Variants in METTL6 observed in about 807,000 individuals in gnomAD.
METTL6 encodes methyltransferase 6, tRNA N3-cytidine, also known as tRNA N(3)-cytidine methyltransferase METTL6.
A neutral mutation model predicts 26.4 loss-of-function variants in METTL6; 22 were observed. The ratio of observed to expected loss-of-function variants is 0.83; its 90% CI spans 0.59 to 1.19. METTL6 has a LOEUF of 1.19. METTL6 is among the 50% of genes most tolerant of loss of function. The pLI is 0.00. For missense variants in METTL6, 304 were observed against 324.8 expected, an observed-to-expected ratio of 0.94 and a Z score of 0.49; for synonymous variants, 109 against 116.2, an observed-to-expected ratio of 0.94 and a Z score of 0.40.
chr3:15,403,558 C>T (rs149123401), intron 6 of METTL6, among the ~76,000 whole-genome samples: 27 of 152,194 alleles, frequency 1.8e-4, no homozygotes, highest in Admixed American at 4.6e-4. Flanking sequence ...CCTCTTTTTC[C>T]TTCTCCTGGT....
At chr3:15,405,522 G>C (rs954236382), downstream of METTL6, among the ~76,000 whole-genome samples, 2 of 152,172 alleles carry the variant, frequency 1.3e-5, no homozygotes, top group Non-Finnish European at 2.9e-5. Flanking sequence ...GAAAACATTT[G>C]TAATAATCCA....
Position 15,426,600 on chromosome 3 carries a change from C to T in METTL6, c.-89G>A, listed in dbSNP as rs1575445170. On this transcript the variant is annotated 5_prime_UTR_variant, in exon 2 of 6. Transcript: ENST00000383790. The stretch of plus-strand genomic sequence containing the variant: ...CACGCTAATGGATCAGATACATTTC[C>T]TGAGGTGAGTTTCACGCCTCAAACA... The T allele has an allele frequency of 7.9e-7, 1 of 1,264,368 alleles. No homozygotes were observed. The highest frequency in any genetic ancestry group is 1.1e-6 in the Non-Finnish European group (1 of 896,614). 78.3% of individuals were successfully genotyped at this position (1,264,368 alleles called of 1,614,324 possible).
chr3:15,395,176 G>T (rs1288899004), intron 6 of METTL6, among the ~76,000 whole-genome samples: 1 of 152,122 alleles, frequency 6.6e-6, no homozygotes, highest in Non-Finnish European at 1.5e-5. Context: ...TATGCATCTG[G>T]GTGCTCCTGT....
At chr3:15,427,316 C>A (rs961554574) in intron 1 of METTL6, 86 bp downstream of exon 1, 12 of 191,278 alleles carry the variant, frequency 6.3e-5, no homozygotes, top group Non-Finnish European at 1.2e-4. Context: ...GGCTAGCCGA[C>A]CCGCGTTAAT....
At chr3:15,394,121 T>G (rs2124910569) in intron 6 of METTL6, among the ~76,000 whole-genome samples, 1 of 152,370 alleles carries the variant, frequency 6.6e-6, no homozygotes. Flanking sequence ...TGAATCCATC[T>G]GGTCCTGGAC....
At chr3:15,416,043 C>T (rs192783466) in intron 3 of METTL6, 101 bp from the exon 4 acceptor site, 5 of 1,016,920 alleles carry the variant, frequency 4.9e-6, no homozygotes, top group East Asian at 2.5e-5. Context: ...CACTTGTATA[C>T]ATAGAAATTA....
chr3:15,417,061 A>G (rs1700236756), intron 3 of METTL6, among the ~76,000 whole-genome samples: 1 of 152,116 alleles, frequency 6.6e-6, no homozygotes, highest in South Asian at 2.1e-4. Flanking sequence ...AATCCCAGCA[A>G]CCTGGGAGAC....
chr3:15,405,617 C>T (rs1470839357), downstream of METTL6, among the ~76,000 whole-genome samples: 2 of 152,184 alleles, frequency 1.3e-5, no homozygotes, highest in East Asian at 3.8e-4. Flanking sequence ...TAATGTCTAG[C>T]ACCACCTTGT....
At position 15,426,351 on chromosome 3, in the gene METTL6, G is replaced by C. The variant is rs61734701; in HGVS notation, c.161C>G (p.Thr54Ser). ...CCAGTGTCTGTCTTTGAAGAAATTAGTGCTATTTCTTTTGTAAAAAAGATC... is the reference window on the plus strand; with the variant it reads ...CCAGTGTCTGTCTTTGAAGAAATTACTGCTATTTCTTTTGTAAAAAAGATC... ...NWDLFYKRNS[T>S]NFFKDRHWTT... Residue 54 changes from threonine (T) to serine (S), a missense_variant, in exon 2 of 6, where the codon ACT (threonine) becomes AGT (serine). Physicochemically the swap from Thr to Ser is moderately conservative, Grantham distance 58. Coordinates refer to ENST00000383790, the MANE Select transcript of METTL6 (RefSeq NM_152396.4). The C allele has an allele frequency of 6.2e-7, 1 of 1,614,052 alleles. No homozygotes were observed. Among genetic ancestry groups the C allele is most frequent in the Non-Finnish European group, 8.5e-7 (1 of 1,180,036 alleles).
chr3:15,406,026 C>T (rs115284780), downstream of METTL6, among the ~76,000 whole-genome samples: 414 of 151,704 alleles, frequency 2.7e-3, no homozygotes, highest in African/African-American at 9.7e-3. Context: ...TATATATACA[C>T]ACGCACACAC....
intron 6 of METTL6, chr3:15,399,426 G>C (rs1248633541): frequency 6.6e-6 from 1 of 151,800 alleles, no homozygotes; most frequent in Admixed American, 6.6e-5. Flanking sequence ...AATCCTCTTG[G>C]GGTCTGGATT....
At chr3:15,402,227 C>T (rs907590662) in intron 6 of METTL6, among the ~76,000 whole-genome samples, 4 of 152,248 alleles carry the variant, frequency 2.6e-5, no homozygotes, top group Admixed American at 6.5e-5. Context: ...AATGAGAGAC[C>T]AGAGTTTTAT....
At chr3:15,381,866 A>G (rs2124876593) in exon 7 of METTL6, 1 of 152,070 alleles carries the variant, frequency 6.6e-6, no homozygotes, top group East Asian at 1.9e-4. Context: ...ATCTCTTAGG[A>G]AACAATCCTA....
chr3:15,410,259 T>TA lies in METTL6; in HGVS notation c.*996dup, dbSNP rs1229092330. 1.1e-4 allele frequency among the ~76,000 whole-genome samples: 16 copies of TA among 147,564 alleles called. No homozygotes were observed. Among genetic ancestry groups the TA allele is most frequent in the Admixed American group, 1.4e-4 (2 of 14,788 alleles). ...CTGAAACCAAGATGGTACCAAACTC[T>TA]AAAAAAAAAAGAACAACTTTAACAA... On this transcript the variant is annotated 3_prime_UTR_variant, in exon 6 of 6. Transcript: ENST00000383790.
chr3:15,404,844 T>C (rs1209992705), downstream of METTL6, among the ~76,000 whole-genome samples: 2 of 152,162 alleles, frequency 1.3e-5, no homozygotes, highest in East Asian at 3.8e-4. Context: ...TGTGCCCTAC[T>C]AATTTTCTTT....
At chr3:15,396,300 C>G (rs1182215050) in intron 6 of METTL6, among the ~76,000 whole-genome samples, 3 of 152,170 alleles carry the variant, frequency 2.0e-5, no homozygotes, top group African/African-American at 4.8e-5. Flanking sequence ...GAGGCTTGTG[C>G]ATTTGTCACG....
downstream of METTL6, among the ~76,000 whole-genome samples, chr3:15,405,981 C>T (rs530149642): frequency 1.3e-5 from 2 of 152,028 alleles, no homozygotes; most frequent in Non-Finnish European, 2.9e-5. Flanking sequence ...TGTATTAGCA[C>T]TATTGTATGG....
At position 15,427,505 on chromosome 3, in the gene METTL6, C is replaced by G; in HGVS notation, c.-228G>C. ...CACGAATTCGGATTATCCGGGAGTT[C>G]TTTTGCCATGGCACCGCCCCCGCCA... is the stretch of plus-strand genomic sequence containing the variant. On this transcript the variant is annotated 5_prime_UTR_variant, in exon 1 of 6. Transcript: ENST00000383790. 2.0e-6 allele frequency: 1 copy of G among 509,540 alleles called. No individual in the cohort carries two copies. The highest frequency in any genetic ancestry group is 3.5e-6 in the Non-Finnish European group (1 of 283,132). 31.6% of individuals were successfully genotyped at this position (509,540 alleles called of 1,614,324 possible).
In METTL6 at chr3:15,426,282, C is replaced by A; in HGVS notation, c.225+5G>T. 2 of 1,613,074 alleles carry A rather than the reference C, an allele frequency of 1.2e-6. No homozygotes were observed. The highest frequency in any genetic ancestry group is 1.3e-5 in the African/African-American group (1 of 74,976). On this transcript the variant is annotated splice_donor_5th_base_variant and intron_variant, in intron 2 of 5. Coordinates refer to ENST00000383790, the MANE Select transcript of METTL6 (RefSeq NM_152396.4). ...CAGCTCAGATAAGGCGTAATATTAG[C>A]TTACCTCTCTACATGATCTTAGCTC...
Sources: gnomAD v4.1 joint callset for allele counts (sites outside exome capture counted in the v4.1 genomes callset) on GRCh38, gnomAD v4.1.1 for gene constraint, MANE v1.5 for transcripts, NCBI Gene and HGNC (gene_info 2026-07-23, HGNC 2026-07-21) for gene names.